The following CNTN4 variants were observed in gnomAD, a reference collection of about 807,000 sequenced individuals.
The protein encoded by CNTN4 is contactin-4.
CNTN4 carries 77 observed loss-of-function variants against 122.5 expected under a neutral mutation model. That is an observed-to-expected ratio of 0.63 (90% CI 0.52 to 0.76). The LOEUF (loss-of-function observed/expected upper bound fraction) is 0.76, where lower values mean the gene tolerates loss of function less well. Ranked by LOEUF, CNTN4 falls within the 30% of genes least tolerant of loss-of-function variation. The pLI is 0.00. For missense variants in CNTN4, 1,256 were observed against 1,259.1 expected, an observed-to-expected ratio of 1.00 and a Z score of 0.04; for synonymous variants, 512 against 447.0, an observed-to-expected ratio of 1.15 and a Z score of -1.83.
intron 4 of CNTN4, among the ~76,000 whole-genome samples, chr3:2,733,465 T>G (rs2088839277): frequency 6.6e-6 from 1 of 152,052 alleles, no homozygotes; most frequent in South Asian, 2.1e-4. Context: ...GAAATTGAAA[T>G]GTAAATATCT....
chr3:2,978,349 T>C (rs1269292258), intron 13 of CNTN4, among the ~76,000 whole-genome samples: 3 of 152,060 alleles, frequency 2.0e-5, no homozygotes, highest in Admixed American at 1.3e-4. Context: ...CTGCTACTGG[T>C]TTAAAGTCAG....
chr3:2,356,275 G>A (rs2044868976), intron 3 of CNTN4, among the ~76,000 whole-genome samples: 1 of 152,206 alleles, frequency 6.6e-6, no homozygotes, highest in South Asian at 2.1e-4. Context: ...CATAGGCAGA[G>A]CAGTGGCATG....
At chr3:2,978,736 C>T (rs1006577497) in intron 13 of CNTN4, among the ~76,000 whole-genome samples, 6 of 152,106 alleles carry the variant, frequency 3.9e-5, no homozygotes, top group African/African-American at 1.4e-4. Context: ...CCTGTCTAAC[C>T]GCCCTCATTC....
intron 2 of CNTN4, among the ~76,000 whole-genome samples, chr3:2,261,845 G>T (rs144508245): frequency 2.0e-5 from 3 of 152,210 alleles, no homozygotes; most frequent in East Asian, 1.9e-4. Context: ...AAATAAATCT[G>T]CCCGAGTATC....
chr3:2,550,675 C>A (rs2078461938), intron 3 of CNTN4, among the ~76,000 whole-genome samples: 1 of 152,096 alleles, frequency 6.6e-6, no homozygotes, highest in Non-Finnish European at 1.5e-5. Flanking sequence ...GCACTATTCA[C>A]AATAGCAAAG....
rs535217437 is a variant in CNTN4 at position 2,946,578 on chromosome 3, G to A, written c.1358+20799G>A. ...TTTGGCAAGCACAGTATATTAGCTG[G>A]CTCCACGTTTAATTTTTTAAAATTA... On this transcript the variant is annotated intron_variant, in intron 13 of 24. Transcript: ENST00000418658. 3.3e-5 allele frequency among the ~76,000 whole-genome samples: 5 copies of A among 152,116 alleles called. No individual in the cohort carries two copies. The South Asian group carries it at 1.0e-3, about 32-fold the overall frequency.
intron 13 of CNTN4, among the ~76,000 whole-genome samples, chr3:2,932,039 A>ATG (rs1165992755): frequency 2.7e-5 from 4 of 149,156 alleles, no homozygotes; most frequent in Admixed American, 2.0e-4. Flanking sequence ...ATGTGCGTGC[A>ATG]TGTGTGTGTG....
chr3:2,468,397 A>G (rs2075576147), intron 3 of CNTN4, among the ~76,000 whole-genome samples: 1 of 152,136 alleles, frequency 6.6e-6, no homozygotes, highest in Non-Finnish European at 1.5e-5. Flanking sequence ...TTCTCTAAAC[A>G]TATAACAAGA....
chr3:2,440,552 A>T (rs1197949230), intron 3 of CNTN4, among the ~76,000 whole-genome samples: 1 of 152,014 alleles, frequency 6.6e-6, no homozygotes, highest in East Asian at 1.9e-4. Context: ...CTTCCAACTG[A>T]TGTCGTGTGA....
intron 2 of CNTN4, among the ~76,000 whole-genome samples, chr3:2,211,999 G>T (rs2149444332): frequency 6.6e-6 from 1 of 151,944 alleles, no homozygotes; most frequent in East Asian, 1.9e-4. Flanking sequence ...TTTGAGATGG[G>T]GTCTTGCTCT....
intron 6 of CNTN4, among the ~76,000 whole-genome samples, chr3:2,767,118 T>C (rs2090897486): frequency 6.6e-6 from 1 of 152,198 alleles, no homozygotes; most frequent in East Asian, 1.9e-4. Context: ...TATACCAGGC[T>C]AATAAGTCAT....
At chr3:3,017,674 C>T (rs1165791206) in intron 14 of CNTN4, among the ~76,000 whole-genome samples, 3 of 152,190 alleles carry the variant, frequency 2.0e-5, no homozygotes. Flanking sequence ...TTTTGCTATG[C>T]CGTGAAGTGC....
intron 3 of CNTN4, among the ~76,000 whole-genome samples, chr3:2,563,271 A>T (rs1198421173): frequency 1.3e-5 from 2 of 152,238 alleles, no homozygotes; most frequent in African/African-American, 4.8e-5. Context: ...CAAACTATAC[A>T]TAAAAAGAAC....
In CNTN4 at chr3:2,669,124, T is replaced by C. The variant is rs982592702; in HGVS notation, c.56-67091T>C. Among the ~76,000 whole-genome samples, 312 of 152,274 alleles carry C rather than the reference T, an allele frequency of 2.0e-3. 2 individuals carry two copies. The highest frequency in any genetic ancestry group is 7.2e-3 in the African/African-American group (298 of 41,562). On this transcript the variant is annotated intron_variant, in intron 4 of 24. Coordinates refer to ENST00000418658, the MANE Select transcript of CNTN4 (RefSeq NM_175607.3). Reference sequence around the variant, plus strand: ...GCCTCATAAAACGAGTTAGGGAGGATTCCCTCTTTTTCTATTGATTGGAAT... The same window carrying C: ...GCCTCATAAAACGAGTTAGGGAGGACTCCCTCTTTTTCTATTGATTGGAAT...
chr3:2,863,215 T>C (rs1240597506), intron 7 of CNTN4, among the ~76,000 whole-genome samples: 2 of 152,142 alleles, frequency 1.3e-5, no homozygotes, highest in Non-Finnish European at 2.9e-5. Flanking sequence ...CAGGTGGTGA[T>C]ATTTGATCGT....
chr3:2,246,782 G>T (rs2040169051), intron 2 of CNTN4, among the ~76,000 whole-genome samples: 1 of 152,002 alleles, frequency 6.6e-6, no homozygotes, highest in African/African-American at 2.4e-5. Context: ...AGGCATAGAT[G>T]AAGTTTGATG....
intron 4 of CNTN4, among the ~76,000 whole-genome samples, chr3:2,734,825 T>C (rs1056110346): frequency 6.6e-6 from 1 of 152,184 alleles, no homozygotes; most frequent in African/African-American, 2.4e-5. Context: ...TTTTCCAGGA[T>C]AGCAGTTGCA....
intron 2 of CNTN4, among the ~76,000 whole-genome samples, chr3:2,278,311 G>A (rs1025163479): frequency 6.6e-6 from 1 of 152,130 alleles, no homozygotes; most frequent in African/African-American, 2.4e-5. Context: ...TTAGTCTTTG[G>A]AATTGGCTTT....
intron 2 of CNTN4, among the ~76,000 whole-genome samples, chr3:2,211,338 A>G (rs2038607041): frequency 6.6e-6 from 1 of 152,098 alleles, no homozygotes; most frequent in Non-Finnish European, 1.5e-5. Context: ...GGGGATTACA[A>G]TTCAACATGA....
Sources: allele counts gnomAD v4.1 joint callset (sites outside exome capture counted in the v4.1 genomes callset), GRCh38; gene constraint gnomAD v4.1.1; transcripts MANE v1.5; gene names NCBI Gene and HGNC (gene_info 2026-07-23, HGNC 2026-07-21).